The following CHCHD3 variants were observed in gnomAD, a reference collection of about 807,000 sequenced individuals.
CHCHD3 encodes MICOS complex subunit MIC19.
In CHCHD3, 20 loss-of-function variants were observed where a neutral mutation model predicts 38.2. The observed-to-expected ratio is 0.52, with a 90% CI of 0.37 to 0.76. The LOEUF (loss-of-function observed/expected upper bound fraction) is 0.76. Ranked by LOEUF, CHCHD3 falls within the 30% of genes least tolerant of loss-of-function variation. The pLI is 0.00. For synonymous variants in CHCHD3, 82 were observed against 100.0 expected (o/e 0.82, Z 1.07); for missense variants, 245 against 279.2 (o/e 0.88, Z 0.87).
intron 6 of CHCHD3, among the ~76,000 whole-genome samples, chr7:132,799,241 T>C (rs1043850440): frequency 6.6e-6 from 1 of 152,222 alleles, no homozygotes; most frequent in African/African-American, 2.4e-5. Flanking sequence ...AAGCTTGTTA[T>C]ACTGCCCTAA....
intron 2 of CHCHD3, among the ~76,000 whole-genome samples, chr7:133,036,145 C>T (rs1769583704): frequency 1.3e-5 from 2 of 152,120 alleles, no homozygotes; most frequent in South Asian, 4.1e-4. Flanking sequence ...ACCCCATGAC[C>T]CCTTTCCCAT....
chr7:132,955,173 G>GGGGTGTGTGTGT lies in CHCHD3; in HGVS notation c.369+19995_369+19996insACACACACACCC, dbSNP rs138213006. Among the ~76,000 whole-genome samples the GGGGTGTGTGTGT allele has an allele frequency of 7.3e-3, 922 of 126,282 alleles. 11 individuals are homozygous for GGGGTGTGTGTGT. The highest frequency in any genetic ancestry group is 0.02 in the Middle Eastern group (5 of 254). 82.8% of individuals were successfully genotyped at this position (126,282 alleles called of 152,430 possible). Reference sequence around the variant, plus strand: ...AGAAAGGAGGCTTTTTCCCTCAGAGGGTGTGTGTGTGTGTGTGTGTGTGTG... The same window carrying GGGGTGTGTGTGT: ...AGAAAGGAGGCTTTTTCCCTCAGAGGGGGTGTGTGTGTGTGTGTGTGTGTGTGTGTGTGTGTG... On this transcript the variant is annotated intron_variant, in intron 4 of 7. Transcript: ENST00000262570.
At position 132,885,935 on chromosome 7, in the gene CHCHD3, AT is replaced by A. The variant is rs530579905; in HGVS notation, c.370-191del. 7.3e-3 allele frequency among the ~76,000 whole-genome samples: 1,105 copies of A among 152,060 alleles called. 15 individuals are homozygous for A. The highest frequency in any genetic ancestry group is 0.024 in the African/African-American group (1,010 of 41,488). ...AATGTAAAGAAGAAGTCCGCATTGT[AT>A]TTTTTTTCCCGCTGTAACAGCTGTG... On this transcript the variant is annotated intron_variant, in intron 4 of 7. Coordinates refer to ENST00000262570, the MANE Select transcript of CHCHD3 (RefSeq NM_017812.4).
intron 5 of CHCHD3, among the ~76,000 whole-genome samples, chr7:132,841,437 A>C (rs1807937396): frequency 6.6e-6 from 1 of 151,926 alleles, no homozygotes; most frequent in African/African-American, 2.4e-5. Context: ...ACAAAAAAAA[A>C]AAAACAACCA....
intron 4 of CHCHD3, among the ~76,000 whole-genome samples, chr7:132,938,339 T>C (rs1354254376): frequency 6.6e-6 from 1 of 152,130 alleles, no homozygotes; most frequent in Non-Finnish European, 1.5e-5. Flanking sequence ...AGAATAAGGA[T>C]TCGTAGTCTA....
intron 5 of CHCHD3, among the ~76,000 whole-genome samples, chr7:132,843,288 TG>T (rs1303559749): frequency 6.6e-6 from 1 of 152,142 alleles, no homozygotes; most frequent in African/African-American, 2.4e-5. Flanking sequence ...AGTAGAGTCT[TG>T]GGCCACATCC....
intron 4 of CHCHD3, among the ~76,000 whole-genome samples, chr7:132,957,900 G>T (rs1215158285): frequency 6.6e-6 from 1 of 152,300 alleles, no homozygotes; most frequent in East Asian, 1.9e-4. Context: ...TACTCTGGAT[G>T]AACTTAGTAT....
intron 3 of CHCHD3, among the ~76,000 whole-genome samples, chr7:132,984,080 C>CCCTCT (rs1812002330): frequency 6.6e-6 from 1 of 152,040 alleles, no homozygotes; most frequent in Non-Finnish European, 1.5e-5. Flanking sequence ...GTCTCCCTCT[C>CCCTCT]CCTCTCTTTC....
intron 4 of CHCHD3, among the ~76,000 whole-genome samples, chr7:132,945,617 G>A (rs549382026): frequency 6.6e-6 from 1 of 151,874 alleles, no homozygotes; most frequent in South Asian, 2.1e-4. Context: ...AAGCTGATAA[G>A]GTAACATTAC....
intron 3 of CHCHD3, among the ~76,000 whole-genome samples, chr7:132,985,195 G>A (rs1298580892): frequency 1.3e-5 from 1 of 79,332 alleles, no homozygotes; most frequent in Non-Finnish European, 2.5e-5. Flanking sequence ...GTCCGGAAGG[G>A]AGGTGGGGGG....
intron 3 of CHCHD3, among the ~76,000 whole-genome samples, chr7:132,989,326 A>T (rs111942206): frequency 0.019 from 2,846 of 152,174 alleles, 105 homozygotes; most frequent in African/African-American, 0.064. Context: ...AGAAAAGGTG[A>T]TTTTATTTTA....
chr7:133,036,370 T>G (rs1813673791), intron 2 of CHCHD3, among the ~76,000 whole-genome samples: 1 of 152,214 alleles, frequency 6.6e-6, no homozygotes, highest in African/African-American at 2.4e-5. Context: ...TTTAAAAGAA[T>G]AGTATAAAAT....
intron 4 of CHCHD3, among the ~76,000 whole-genome samples, chr7:132,898,245 C>T (rs930538029): frequency 2.0e-5 from 3 of 152,174 alleles, no homozygotes; most frequent in Non-Finnish European, 2.9e-5. Context: ...CCACTGCTGG[C>T]TGGGGCAGCC....
At chr7:132,815,568 T>A (rs977561253) in intron 6 of CHCHD3, 8 of 456,458 alleles carry the variant, frequency 1.8e-5, no homozygotes, top group Middle Eastern at 3.2e-4. Flanking sequence ...CTAGGAGCCA[T>A]ACTGGGACAA....
At chr7:132,844,534 T>C (rs1208768178) in intron 5 of CHCHD3, among the ~76,000 whole-genome samples, 2 of 152,244 alleles carry the variant, frequency 1.3e-5, no homozygotes, top group Non-Finnish European at 2.9e-5. Context: ...GTACGGTTAA[T>C]GTAAATTTGT....
chr7:132,993,915 G>A (rs1812347236), intron 3 of CHCHD3, among the ~76,000 whole-genome samples: 1 of 152,162 alleles, frequency 6.6e-6, no homozygotes, highest in East Asian at 1.9e-4. Flanking sequence ...ATAGCAGAAG[G>A]TGCAGAGATG....
chr7:132,952,855 G>T (rs1206066334), intron 4 of CHCHD3, among the ~76,000 whole-genome samples: 1 of 152,206 alleles, frequency 6.6e-6, no homozygotes, highest in Non-Finnish European at 1.5e-5. Context: ...AGGGAAGGTG[G>T]CAGTAAAATA....
intron 3 of CHCHD3, among the ~76,000 whole-genome samples, chr7:133,015,450 G>T (rs1233273894): frequency 2.6e-5 from 4 of 151,854 alleles, no homozygotes; most frequent in Non-Finnish European, 4.4e-5. Context: ...AGACAGCTTG[G>T]GCCTAAGATA....
chr7:132,946,518 A>G (rs1333513393), intron 4 of CHCHD3, among the ~76,000 whole-genome samples: 2 of 151,898 alleles, frequency 1.3e-5, no homozygotes, highest in East Asian at 1.9e-4. Flanking sequence ...AATGGCAAAC[A>G]TTAAACTTTT....
Sources: gnomAD v4.1 joint callset for allele counts (sites outside exome capture counted in the v4.1 genomes callset) on GRCh38, gnomAD v4.1.1 for gene constraint, MANE v1.5 for transcripts, NCBI Gene and HGNC (gene_info 2026-07-23, HGNC 2026-07-21) for gene names.